EDEM3: variants seen among roughly 807,000 people sequenced by gnomAD.
EDEM3 encodes the protein ER degradation enhancing alpha-mannosidase like protein 3.
Under a neutral mutation model 110.2 loss-of-function variants are expected in EDEM3, and 60 were observed. The ratio of observed to expected loss-of-function variants is 0.54; its 90% CI spans 0.44 to 0.67. EDEM3 has a LOEUF of 0.67. Ranked by LOEUF, EDEM3 falls within the 30% of genes least tolerant of loss-of-function variation. EDEM3 has a pLI of 0.00. For synonymous variants in EDEM3, 352 were observed against 382.9 expected (o/e 0.92, Z 0.94); for missense variants, 996 against 1,121.0 (o/e 0.89, Z 1.59).
In EDEM3 at chr1:184,708,615, G is replaced by T. The variant is rs559664913; in HGVS notation, c.1846-271C>A. Among the ~76,000 whole-genome samples the T allele has an allele frequency of 4.6e-5, 7 of 152,280 alleles. No individual in the cohort carries two copies. The South Asian group carries it at 1.4e-3, about 32-fold the overall frequency. ...TCAGATTGAGAACTGGACTTCTAGC[G>T]AATGCTCAAATGCTCACTTTGCTTA... On this transcript the variant is annotated intron_variant, in intron 16 of 19. Transcript: ENST00000318130.
chr1:184,708,241 A>T lies in EDEM3; in HGVS notation c.1949T>A (p.Val650Glu). The T allele has an allele frequency of 1.2e-6, 2 of 1,613,808 alleles. No individual in the cohort carries two copies. Among genetic ancestry groups the T allele is most frequent in the Non-Finnish European group, 1.7e-6 (2 of 1,179,892 alleles). The part of the protein sequence containing the change: ...QKEQQLPPRA[V>E]QIVSHPFFGR... Reference sequence around the variant, plus strand: ...AAAAAATGGGTGGGAAACAATTTGTACAGCTCGTGGAGGCAGCTGCTGTTC... The same window carrying T: ...AAAAAATGGGTGGGAAACAATTTGTTCAGCTCGTGGAGGCAGCTGCTGTTC... The change falls in exon 17 of 20, where the codon GTA (valine) becomes GAA (glutamate). Residue 650 changes from valine (V) to glutamate (E), a missense_variant. By Grantham distance (121) the Val-to-Glu change is moderately radical. This residue lies in a region of EDEM3 where 345 missense variants were observed against 402.0 expected (regional missense o/e 0.86). Transcript: ENST00000318130.
intron 18 of EDEM3, among the ~76,000 whole-genome samples, chr1:184,706,254 C>G (rs1379640606): frequency 6.6e-6 from 1 of 152,138 alleles, no homozygotes; most frequent in African/African-American, 2.4e-5. Context: ...GCCTCCAAAG[C>G]CTGCATCTTT....
intron 1 of EDEM3, among the ~76,000 whole-genome samples, chr1:184,751,768 T>A (rs1325167684): frequency 6.6e-6 from 1 of 152,266 alleles, no homozygotes; most frequent in Non-Finnish European, 1.5e-5. Context: ...TTTCTCTTTT[T>A]TTGAGACAGA....
At chr1:184,738,506 T>G (rs1651956174) in intron 2 of EDEM3, among the ~76,000 whole-genome samples, 1 of 152,210 alleles carries the variant, frequency 6.6e-6, no homozygotes, top group Admixed American at 6.5e-5. Flanking sequence ...ATGTATCTTT[T>G]GAACATATGC....
intron 2 of EDEM3, among the ~76,000 whole-genome samples, chr1:184,741,551 T>C (rs1023486483): frequency 1.3e-5 from 2 of 152,214 alleles, no homozygotes; most frequent in Non-Finnish European, 2.9e-5. Context: ...AAAGTTTTGA[T>C]GCTTTGACAA....
chr1:184,715,816 G>A (rs1650515381), intron 13 of EDEM3, among the ~76,000 whole-genome samples: 1 of 152,154 alleles, frequency 6.6e-6, no homozygotes, highest in Non-Finnish European at 1.5e-5. Context: ...TTTATTTCTT[G>A]CTATTACTTG....
intron 11 of EDEM3, 120 bp from the exon 12 acceptor site, chr1:184,717,743 A>G: frequency 3.2e-6 from 2 of 616,834 alleles, no homozygotes; most frequent in Non-Finnish European, 5.0e-6. Flanking sequence ...GGACATTTTC[A>G]TCAATAAAAC....
Position 184,693,745 on chromosome 1 carries a change from CT to C in EDEM3, c.*317del, listed in dbSNP as rs2102049261. 1 of 218,210 alleles carries C rather than the reference CT, an allele frequency of 4.6e-6. No homozygotes were observed. Among genetic ancestry groups the C allele is most frequent in the South Asian group, 1.4e-4 (1 of 7,382 alleles). 13.5% of individuals were successfully genotyped at this position (218,210 alleles called of 1,614,324 possible). A position where few individuals can be genotyped will look rare whatever the true frequency, so the allele number is the denominator to read the frequency against. The stretch of plus-strand genomic sequence containing the variant: ...CTACTAAATGAATTTTGTTTCTTGT[CT>C]ATCCAGAGACAACAGAAATCTGGTT... On this transcript the variant is annotated 3_prime_UTR_variant, in exon 20 of 20. Coordinates refer to ENST00000318130, the MANE Select transcript of EDEM3 (RefSeq NM_025191.4).
intron 5 of EDEM3, among the ~76,000 whole-genome samples, chr1:184,733,797 C>T (rs547026917): frequency 6.7e-6 from 1 of 149,964 alleles, no homozygotes; most frequent in East Asian, 2.0e-4. Context: ...CACTGCACTC[C>T]AGCCTGGCAA....
rs1649202139 is a variant in EDEM3 at position 184,694,084 on chromosome 1, C to T, written c.2778G>A (p.Met926Ile). 1 of 1,612,214 alleles carries T rather than the reference C, an allele frequency of 6.2e-7. No homozygotes were observed. The highest frequency in any genetic ancestry group is 1.3e-5 in the African/African-American group (1 of 74,806). Residue 926 changes from methionine (M) to isoleucine (I), a missense_variant, in exon 20 of 20, where the codon ATG (methionine) becomes ATA (isoleucine). Physicochemically the swap from Met to Ile is conservative, Grantham distance 10. Transcript: ENST00000318130. ...DWNEDIEAFE[M>I]MEKDEL is the part of the protein sequence containing the mutation. The stretch of plus-strand genomic sequence containing the variant: ...CAAGTCATAGCTCATCCTTCTCCAT[C>T]ATTTCAAATGCTTCTATATCTTCAT...
intron 6 of EDEM3, among the ~76,000 whole-genome samples, chr1:184,727,547 GGT>G (rs1651258338): frequency 6.6e-6 from 1 of 152,100 alleles, no homozygotes; most frequent in African/African-American, 2.4e-5. Flanking sequence ...TCAATTGCTA[GGT>G]ATACCTAGTG....
intron 18 of EDEM3, 36 bp downstream of exon 18, chr1:184,706,607 C>T (rs750586398): frequency 1.3e-6 from 2 of 1,495,382 alleles, no homozygotes; most frequent in East Asian, 4.8e-5. Context: ...AATTATCTCC[C>T]CTTCAGTCAA....
chr1:184,719,850 G>A (rs151249994), intron 9 of EDEM3, among the ~76,000 whole-genome samples: 5 of 152,286 alleles, frequency 3.3e-5, no homozygotes, highest in East Asian at 1.9e-4. Context: ...GCCCTGTGGC[G>A]TTAGCCCGTG....
chr1:184,702,682 A>G, intron 19 of EDEM3, 129 bp downstream of exon 19: 1 of 573,164 alleles, frequency 1.7e-6, no homozygotes, highest in Non-Finnish European at 2.8e-6. Context: ...TTTTGAAATC[A>G]TCTTCTAAAA....
At chr1:184,698,055 A>T (rs533684428) in intron 19 of EDEM3, among the ~76,000 whole-genome samples, 10 of 151,830 alleles carry the variant, frequency 6.6e-5, no homozygotes, top group South Asian at 2.1e-4. Context: ...TATTTAAAGA[A>T]GGCAAAATGC....
intron 6 of EDEM3, among the ~76,000 whole-genome samples, chr1:184,727,317 C>T (rs908926566): frequency 6.6e-6 from 1 of 152,046 alleles, no homozygotes; most frequent in African/African-American, 2.4e-5. Context: ...ATTAACTAGA[C>T]TCAAACTGAG....
chr1:184,716,208 A>G (rs1018388498), intron 13 of EDEM3, among the ~76,000 whole-genome samples: 4 of 152,168 alleles, frequency 2.6e-5, no homozygotes, highest in African/African-American at 9.6e-5. Context: ...ATCCTCAAAA[A>G]CTAGTAAGAG....
intron 5 of EDEM3, among the ~76,000 whole-genome samples, chr1:184,733,377 A>G (rs1457213085): frequency 1.3e-5 from 2 of 152,230 alleles, no homozygotes; most frequent in Admixed American, 6.5e-5. Flanking sequence ...CTCTCGCTCT[A>G]GATTAATAAA....
At chr1:184,741,979 T>C (rs527511022) in intron 2 of EDEM3, among the ~76,000 whole-genome samples, 1 of 152,342 alleles carries the variant, frequency 6.6e-6, no homozygotes, top group East Asian at 1.9e-4. Flanking sequence ...GTTTTTATTA[T>C]GTGAATGTCC....
Sources: allele counts gnomAD v4.1 joint callset (sites outside exome capture counted in the v4.1 genomes callset), GRCh38; gene constraint gnomAD v4.1.1; regional missense constraint gnomAD v4.1.1; transcripts MANE v1.5; gene names NCBI Gene and HGNC (gene_info 2026-07-23, HGNC 2026-07-21).